Variants in SLC12A8 observed in about 807,000 individuals in gnomAD.
SLC12A8 encodes the protein cation-chloride cotransporter 9.
SLC12A8 carries 69 observed loss-of-function variants against 75.6 expected under a neutral mutation model. The ratio of observed to expected loss-of-function variants is 0.91; its 90% CI spans 0.75 to 1.11. The LOEUF (loss-of-function observed/expected upper bound fraction) is 1.11, where lower values mean the gene tolerates loss of function less well. Ranked by LOEUF, SLC12A8 falls within the 50% of genes most tolerant of loss-of-function variation. SLC12A8 has a pLI of 0.00. For missense variants in SLC12A8, 877 were observed against 896.7 expected (o/e 0.98, Z 0.28); for synonymous variants, 365 against 372.8 (o/e 0.98, Z 0.24).
chr3:125,103,570 T>C (rs1938940633), intron 10 of SLC12A8, among the ~76,000 whole-genome samples: 1 of 150,204 alleles, frequency 6.7e-6, no homozygotes, highest in Non-Finnish European at 1.5e-5. Context: ...GCTCAAGCAA[T>C]CCTCCCACCT....
intron 2 of SLC12A8, among the ~76,000 whole-genome samples, chr3:125,205,856 C>G (rs908709867): frequency 2.0e-5 from 3 of 152,146 alleles, no homozygotes; most frequent in African/African-American, 7.2e-5. Flanking sequence ...CCCTACAAGA[C>G]CTGGGATAGT....
At chr3:125,097,528 TTGTG>T (rs147038912) in intron 10 of SLC12A8, among the ~76,000 whole-genome samples, 12,950 of 138,920 alleles carry the variant, frequency 0.093, 778 homozygotes, top group African/African-American at 0.17. Flanking sequence ...CTAAAGGGAA[TTGTG>T]TGTGTGTGTG....
rs554687666 is a variant in SLC12A8 at position 125,192,856 on chromosome 3, C to G, written c.52-2335G>C. Among the ~76,000 whole-genome samples the G allele has an allele frequency of 4.6e-5, 7 of 152,148 alleles. No homozygotes were observed. In the South Asian group the frequency reaches 1.5e-3, roughly 32 times the overall value. ...CTCATCGGAGACTGGGTGGGAAGAG[C>G]GTAGGTTTGACTCCAAGGGAGTAAC... is the stretch of plus-strand genomic sequence containing the variant. On this transcript the variant is annotated intron_variant, in intron 2 of 13. Coordinates refer to ENST00000469902, the MANE Select transcript of SLC12A8 (RefSeq NM_024628.6).
intron 2 of SLC12A8, among the ~76,000 whole-genome samples, chr3:125,198,708 G>A (rs2107800794): frequency 6.6e-6 from 1 of 152,162 alleles, no homozygotes. Flanking sequence ...AGGAGGTCTT[G>A]GGGAGAAGCT....
At chr3:125,092,059 C>T in intron 11 of SLC12A8, 42 bp downstream of exon 11, 6 of 1,445,086 alleles carry the variant, frequency 4.2e-6, no homozygotes, top group Non-Finnish European at 4.9e-6. Context: ...TCCACCTGAA[C>T]TCTGTCCCAA....
intron 5 of SLC12A8, among the ~76,000 whole-genome samples, chr3:125,170,622 A>G (rs1934386782): frequency 6.6e-6 from 1 of 152,218 alleles, no homozygotes; most frequent in Non-Finnish European, 1.5e-5. Flanking sequence ...ATGTATACAA[A>G]ATAGACTGGG....
chr3:125,088,814 T>A (rs928076240), intron 12 of SLC12A8, among the ~76,000 whole-genome samples: 1 of 152,336 alleles, frequency 6.6e-6, no homozygotes, highest in Admixed American at 6.5e-5. Context: ...CCTCACAGGA[T>A]CTGGCACTTA....
chr3:125,121,532 T>C (rs181111604), intron 6 of SLC12A8, among the ~76,000 whole-genome samples: 7 of 152,340 alleles, frequency 4.6e-5, no homozygotes. Context: ...TCTAACTCCA[T>C]GATTTGTGAA....
chr3:125,172,272 C>A (rs1934418672), intron 5 of SLC12A8, among the ~76,000 whole-genome samples: 1 of 18,080 alleles, frequency 5.5e-5, no homozygotes, highest in Admixed American at 1.0e-3. Flanking sequence ...AAAACTCCTT[C>A]TTAAAAAAAA....
chr3:125,104,390 T>G (rs1298078045), intron 10 of SLC12A8, among the ~76,000 whole-genome samples: 2 of 151,808 alleles, frequency 1.3e-5, no homozygotes, highest in Non-Finnish European at 2.9e-5. Context: ...ATTACAGGTA[T>G]GAGCCACCAT....
intron 6 of SLC12A8, among the ~76,000 whole-genome samples, chr3:125,133,455 C>T (rs1933411692): frequency 1.3e-5 from 2 of 152,106 alleles, no homozygotes; most frequent in South Asian, 2.1e-4. Flanking sequence ...TCACTGTAGC[C>T]TTGACCTCCC....
intron 8 of SLC12A8, among the ~76,000 whole-genome samples, chr3:125,111,696 T>C (rs555087462): frequency 7.8e-4 from 119 of 152,296 alleles, no homozygotes; most frequent in African/African-American, 2.6e-3. Flanking sequence ...CCAAGCTACA[T>C]TGAACACAAG....
chr3:125,086,450 G>C (rs984773682), intron 13 of SLC12A8, among the ~76,000 whole-genome samples: 5 of 152,160 alleles, frequency 3.3e-5, no homozygotes, highest in Non-Finnish European at 7.3e-5. Flanking sequence ...GGAATTCAGA[G>C]TACAACATAA....
At chr3:125,194,226 G>T (rs374383875) in intron 2 of SLC12A8, among the ~76,000 whole-genome samples, 1 of 152,214 alleles carries the variant, frequency 6.6e-6, no homozygotes, top group Non-Finnish European at 1.5e-5. Flanking sequence ...GCGACTTGGC[G>T]CCTGGCCCAG....
At chr3:125,149,219 G>A (rs1332430596) in intron 5 of SLC12A8, among the ~76,000 whole-genome samples, 3 of 152,226 alleles carry the variant, frequency 2.0e-5, no homozygotes, top group Admixed American at 6.5e-5. Flanking sequence ...GGCAGCGCTC[G>A]CTCGCACTTC....
In SLC12A8 at chr3:125,177,739, T is replaced by A; in HGVS notation, c.622+4A>T. 6.2e-7 allele frequency: 1 copy of A among 1,612,388 alleles called. No homozygotes were observed. Among genetic ancestry groups the A allele is most frequent in the Non-Finnish European group, 8.5e-7 (1 of 1,178,532 alleles). ...GGCCACATACTGGACTCTGAAAGGC[T>A]TACCTGGGTCCAGGTGGGTGAAAGA... On this transcript the variant is annotated splice_donor_region_variant and intron_variant, in intron 5 of 13. Transcript: ENST00000469902.
At chr3:125,101,217 A>G (rs1938867313) in intron 10 of SLC12A8, among the ~76,000 whole-genome samples, 3 of 152,180 alleles carry the variant, frequency 2.0e-5, no homozygotes, top group South Asian at 2.1e-4. Context: ...AACTTCTCTG[A>G]GCCTCAGTTT....
intron 5 of SLC12A8, among the ~76,000 whole-genome samples, chr3:125,138,603 G>A (rs2107762860): frequency 1.3e-5 from 2 of 152,228 alleles, no homozygotes; most frequent in South Asian, 4.1e-4. Context: ...ATCTATACAT[G>A]TAAGAAACAG....
At chr3:125,126,863 C>T (rs1012619041) in intron 6 of SLC12A8, among the ~76,000 whole-genome samples, 1 of 150,330 alleles carries the variant, frequency 6.7e-6, no homozygotes, top group African/African-American at 2.4e-5. Flanking sequence ...TACACATGCA[C>T]TAACGTGCCC....
Sources: gnomAD v4.1 joint callset for allele counts (sites outside exome capture counted in the v4.1 genomes callset) on GRCh38, gnomAD v4.1.1 for gene constraint, MANE v1.5 for transcripts, NCBI Gene and HGNC (gene_info 2026-07-23, HGNC 2026-07-21) for gene names.